Variants in SNX31 observed in about 807,000 individuals in gnomAD.
SNX31 encodes sorting nexin 31.
SNX31 carries 58 observed loss-of-function variants against 65.4 expected under a neutral mutation model. That is an observed-to-expected ratio of 0.89 (90% CI 0.72 to 1.10). SNX31 has a LOEUF of 1.10. Ranked by LOEUF, SNX31 falls within the 50% of genes least tolerant of loss-of-function variation. The pLI is 0.00. For synonymous variants in SNX31, 181 were observed against 190.1 expected (o/e 0.95, Z 0.39); for missense variants, 523 against 529.7 (o/e 0.99, Z 0.12).
In SNX31 at chr8:100,626,090, G is replaced by C. The variant is rs1015262715; in HGVS notation, c.321+4237C>G. Among the ~76,000 whole-genome samples the C allele has an allele frequency of 3.9e-5, 6 of 152,156 alleles. No individual in the cohort carries two copies. The highest frequency in any genetic ancestry group is 7.4e-5 in the Non-Finnish European group (5 of 68,026). On this transcript the variant is annotated intron_variant, in intron 4 of 13. Coordinates refer to ENST00000311812, the MANE Select transcript of SNX31 (RefSeq NM_152628.4). This position sits in a 1 kb window ranked among gnomAD's most constrained non-coding sequence, Gnocchi z 4.4. ...AAAATACAAAAATTAACTGGGTGTG[G>C]TGGCATGCGCCTGTAGTCCCAGCAA...
rs1275165549 is a variant in SNX31, at chr8:100,575,644, A to G, written c.1227+1375T>C. Among the ~76,000 whole-genome samples, 1 of 152,198 alleles carries G rather than the reference A, an allele frequency of 6.6e-6. No individual in the cohort carries two copies. Among genetic ancestry groups the G allele is most frequent in the Non-Finnish European group, 1.5e-5 (1 of 68,036 alleles). On this transcript the variant is annotated intron_variant, in intron 13 of 13. Transcript: ENST00000311812. The surrounding 1 kb of genome is among the most constrained non-coding windows in gnomAD (Gnocchi z 5.1). Reference sequence around the variant, plus strand: ...AAAGAGATTGCTGCGGCCTTCCCCCAGAGCTGCTGATCCAGTAGGTTTGGG... The same window carrying G: ...AAAGAGATTGCTGCGGCCTTCCCCCGGAGCTGCTGATCCAGTAGGTTTGGG...
In SNX31 at chr8:100,582,057, A is replaced by T. The variant is rs569915168; in HGVS notation, c.1170+2054T>A. ...GTAAAAAAAATAAAGAGTTTCTGGA[A>T]CTAAAACGTGTTAAATATTTGGATA... On this transcript the variant is annotated intron_variant, in intron 12 of 13. Transcript: ENST00000311812. Among the ~76,000 whole-genome samples the T allele has an allele frequency of 2.6e-5, 4 of 152,352 alleles. No individual in the cohort carries two copies. In the South Asian group the frequency reaches 6.2e-4, roughly 24 times the overall value.
At chr8:100,581,712 C>T (rs1459118331) in intron 12 of SNX31, among the ~76,000 whole-genome samples, 1 of 152,132 alleles carries the variant, frequency 6.6e-6, no homozygotes, top group Non-Finnish European at 1.5e-5. Flanking sequence ...CTAGTCCATA[C>T]AAGCCTTCTA....
rs775080071 is a variant in SNX31 at position 100,649,339 on chromosome 8, C to T, written c.76G>A (p.Val26Met). 1.2e-6 allele frequency: 2 copies of T among 1,613,870 alleles called. No homozygotes were observed. The highest frequency in any genetic ancestry group is 1.7e-5 in the Admixed American group (1 of 60,020). ...ALGGRYVLYS[V>M]HLDGFLFCRV... The stretch of plus-strand genomic sequence containing the variant: ...CAGAAGAGGAACCCGTCCAGGTGCA[C>T]GGAGTACAGCTGCAAACACACAGAC... The change falls in exon 2 of 14, where the codon GTG becomes ATG. Residue 26 changes from valine (V) to methionine (M), a missense_variant. By Grantham distance (21) the Val-to-Met change is conservative (BLOSUM62 1). Coordinates refer to ENST00000311812, the MANE Select transcript of SNX31 (RefSeq NM_152628.4).
At chr8:100,645,207 A>T (rs76905305) in intron 2 of SNX31, among the ~76,000 whole-genome samples, 9,973 of 152,354 alleles carry the variant, frequency 0.065, 457 homozygotes, top group Non-Finnish European at 0.095. Flanking sequence ...ATTATATAGA[A>T]GAAAACTATT....
At chr8:100,641,565 A>AAAATATATATATAT (rs1554587369) in intron 2 of SNX31, among the ~76,000 whole-genome samples, 1 of 32,106 alleles carries the variant, frequency 3.1e-5, no homozygotes, top group Non-Finnish European at 5.3e-5. Flanking sequence ...AAAAAAAAAA[A>AAAATATATATATAT]ATATATATAT....
chr8:100,633,006 C>G (rs1423159602), intron 3 of SNX31, among the ~76,000 whole-genome samples: 3 of 152,114 alleles, frequency 2.0e-5, no homozygotes. Context: ...CTTACTGCAG[C>G]CTGAAACTCC....
At chr8:100,651,144 C>T (rs1819961250), upstream of SNX31, among the ~76,000 whole-genome samples, 1 of 152,260 alleles carries the variant, frequency 6.6e-6, no homozygotes, top group Non-Finnish European at 1.5e-5. Context: ...GAAATTAGTG[C>T]ACTCTTTAAG....
intron 12 of SNX31, among the ~76,000 whole-genome samples, chr8:100,583,759 A>G (rs1200780344): frequency 1.3e-5 from 2 of 152,122 alleles, no homozygotes; most frequent in Non-Finnish European, 2.9e-5. Flanking sequence ...TGTGTTAAAG[A>G]CCCCCTCAAG....
At chr8:100,600,251 G>C (rs1815496026) in intron 9 of SNX31, 98 bp downstream of exon 9, 1 of 971,674 alleles carries the variant, frequency 1.0e-6, no homozygotes, top group Admixed American at 2.2e-5. Context: ...CCCACTTTTA[G>C]TGCTTGGTAG....
Position 100,583,552 on chromosome 8 carries a change from T to C in SNX31, c.1170+559A>G, listed in dbSNP as rs1053271055. 2.7e-4 allele frequency among the ~76,000 whole-genome samples: 41 copies of C among 152,358 alleles called. 1 individual carries two copies. Among genetic ancestry groups the C allele is most frequent in the Admixed American group, 9.1e-4 (14 of 15,304 alleles). ...CTCACCAACCTTTTTGATGAGTTAC[T>C]AGGCCTTTAATAAATATAATAATAA... On this transcript the variant is annotated intron_variant, in intron 12 of 13. Transcript: ENST00000311812.
intron 4 of SNX31, chr8:100,618,869 G>C (rs1406886362): frequency 6.4e-6 from 1 of 155,368 alleles, no homozygotes. Flanking sequence ...TAGGGGGGTT[G>C]TTTATGGAGG....
chr8:100,609,232 C>G lies in SNX31; in HGVS notation c.612-669G>C, dbSNP rs1816483678. Reference sequence around the variant, plus strand: ...TCTCCTCTCTCCCTGCCTGGAAGACCAAGGCCCTCACCAGTCTCCTCCCCT... The same window carrying G: ...TCTCCTCTCTCCCTGCCTGGAAGACGAAGGCCCTCACCAGTCTCCTCCCCT... On this transcript the variant is annotated intron_variant, in intron 7 of 13. Transcript: ENST00000311812. The surrounding 1 kb of genome is among the most constrained non-coding windows in gnomAD (Gnocchi z 4.9). Among the ~76,000 whole-genome samples the G allele has an allele frequency of 6.6e-6, 1 of 152,168 alleles. No homozygotes were observed. Among genetic ancestry groups the G allele is most frequent in the Non-Finnish European group, 1.5e-5 (1 of 68,038 alleles).
chr8:100,649,522 C>A lies in SNX31; in HGVS notation c.-8G>T, dbSNP rs750199099. On this transcript the variant is annotated 5_prime_UTR_variant, in exon 1 of 14. Transcript: ENST00000311812. ...ACAGAAATGCATCTTCATGGCTGAG[C>A]GGTGTCTTGGGAGTAGCGCTGGGAA... The A allele has an allele frequency of 1.9e-6, 3 of 1,563,228 alleles. No homozygotes were observed. Among genetic ancestry groups the A allele is most frequent in the African/African-American group, 2.7e-5 (2 of 73,984 alleles).
chr8:100,652,862 T>C (rs1265005215), upstream of SNX31, among the ~76,000 whole-genome samples: 2 of 152,126 alleles, frequency 1.3e-5, no homozygotes, highest in Non-Finnish European at 2.9e-5. Flanking sequence ...GCCCAGCCAA[T>C]GTGCATTATG....
chr8:100,584,042 T>C, intron 12 of SNX31, 69 bp downstream of exon 12: 4 of 1,428,310 alleles, frequency 2.8e-6, no homozygotes, highest in Non-Finnish European at 3.9e-6. Context: ...ATGAGTGTAG[T>C]TTGGTCTCCA....
Position 100,649,607 on chromosome 8 carries a change from G to C in SNX31, c.-93C>G, listed in dbSNP as rs1819894917. ...AACTCGGCAGCGGTGGACGCAGCGC[G>C]GCCTGCCACGCGACTCAGAGCGAAC... On this transcript the variant is annotated 5_prime_UTR_variant, in exon 1 of 14. Coordinates refer to ENST00000311812, the MANE Select transcript of SNX31 (RefSeq NM_152628.4). 2.4e-6 allele frequency: 3 copies of C among 1,256,602 alleles called. No homozygotes were observed. The highest frequency in any genetic ancestry group is 4.4e-5 in the Admixed American group (2 of 45,798). The allele number at this position is 1,256,602 out of a possible 1,614,324, so 77.8% of individuals were successfully genotyped here. A position where few individuals can be genotyped will look rare whatever the true frequency, so the allele number is the denominator to read the frequency against.
At chr8:100,598,859 A>T (rs1314093191) in intron 9 of SNX31, among the ~76,000 whole-genome samples, 1 of 152,244 alleles carries the variant, frequency 6.6e-6, no homozygotes, top group East Asian at 1.9e-4. Flanking sequence ...GCAGCCTTAG[A>T]CAATACATGA....
chr8:100,651,484 T>G (rs954103724), upstream of SNX31, among the ~76,000 whole-genome samples: 2 of 152,212 alleles, frequency 1.3e-5, no homozygotes, highest in Admixed American at 1.3e-4. Flanking sequence ...CAGGGCCATT[T>G]CCTTCCTTTC....
Sources: allele counts gnomAD v4.1 joint callset (sites outside exome capture counted in the v4.1 genomes callset), GRCh38; gene constraint gnomAD v4.1.1; non-coding constraint Gnocchi (gnomAD v3.1); transcripts MANE v1.5; gene names NCBI Gene and HGNC (gene_info 2026-07-23, HGNC 2026-07-21).